INPP4B: variants seen among roughly 807,000 people sequenced by gnomAD.
INPP4B encodes the protein inositol polyphosphate 4-phosphatase type II.
In INPP4B, 55 loss-of-function variants were observed where a neutral mutation model predicts 122.5. That is an observed-to-expected ratio of 0.45 (90% confidence interval 0.36 to 0.56). The LOEUF is 0.56. INPP4B is among the 20% of genes least tolerant of loss of function. The pLI, the probability that INPP4B is intolerant of heterozygous loss-of-function variation, is 0.00. For missense variants in INPP4B, 1,000 were observed against 1,097.7 expected, an observed-to-expected ratio of 0.91 and a Z score of 1.26; for synonymous variants, 403 against 388.7, an observed-to-expected ratio of 1.04 and a Z score of -0.43.
chr4:142,425,277 G>T (rs1807797778), intron 5 of INPP4B: 2 of 152,044 alleles, frequency 1.3e-5, no homozygotes, highest in African/African-American at 4.8e-5. Context: ...AGGTAAGGGT[G>T]AAAGTGAGGG....
intron 7 of INPP4B, among the ~76,000 whole-genome samples, chr4:142,324,090 T>C (rs1771380584): frequency 1.3e-5 from 2 of 152,082 alleles, no homozygotes; most frequent in African/African-American, 4.8e-5. Context: ...GGTGTCATTG[T>C]AAGAAAAAGA....
At chr4:142,653,357 G>A (rs1753435543) in intron 2 of INPP4B, among the ~76,000 whole-genome samples, 1 of 152,120 alleles carries the variant, frequency 6.6e-6, no homozygotes, top group African/African-American at 2.4e-5. Flanking sequence ...GGCAACAAAA[G>A]CCAAAATTGA....
intron 2 of INPP4B, among the ~76,000 whole-genome samples, chr4:142,586,798 T>A (rs1395487374): frequency 6.6e-6 from 1 of 152,144 alleles, no homozygotes; most frequent in Non-Finnish European, 1.5e-5. Context: ...GGAAGACTTC[T>A]GAGGAGTGAT....
chr4:142,417,180 T>C (rs1805951944), intron 5 of INPP4B, among the ~76,000 whole-genome samples: 1 of 152,186 alleles, frequency 6.6e-6, no homozygotes. Context: ...TTCAGAGCCC[T>C]AGGCATACAG....
intron 2 of INPP4B, among the ~76,000 whole-genome samples, chr4:142,535,722 A>G (rs1257835544): frequency 1.3e-5 from 2 of 151,826 alleles, no homozygotes; most frequent in Non-Finnish European, 1.5e-5. Context: ...AATTAATAAT[A>G]TGTGTGTGCA....
In INPP4B at chr4:142,210,664, A is replaced by G. The variant is rs181883915; in HGVS notation, c.837-1638T>C. On this transcript the variant is annotated intron_variant, in intron 12 of 25. Coordinates refer to ENST00000262992, the MANE Select transcript of INPP4B (RefSeq NM_001101669.3). Reference sequence around the variant, plus strand: ...CTGAGATATACAGCAAGTATAATATATCAACTTAATATGCAAAGTTTCAGC... The same window carrying G: ...CTGAGATATACAGCAAGTATAATATGTCAACTTAATATGCAAAGTTTCAGC... 4.6e-5 allele frequency among the ~76,000 whole-genome samples: 7 copies of G among 152,376 alleles called. No homozygotes were observed. The East Asian group carries it at 9.6e-4, about 21-fold the overall frequency.
At chr4:142,306,229 G>GTTTTTTTTTT (rs5862582) in intron 8 of INPP4B, among the ~76,000 whole-genome samples, 2 of 135,904 alleles carry the variant, frequency 1.5e-5, no homozygotes, top group Non-Finnish European at 1.6e-5. Context: ...ACTCCAAATT[G>GTTTTTTTTTT]TTTTTTTTTT....
rs74597226 is a variant in INPP4B at position 142,267,053 on chromosome 4, T to G, written c.615+3610A>C. 6.9e-3 allele frequency among the ~76,000 whole-genome samples: 1,056 copies of G among 152,236 alleles called. 19 individuals carry two copies. Among genetic ancestry groups the G allele is most frequent in the African/African-American group, 0.024 (997 of 41,552 alleles). Reference sequence around the variant, plus strand: ...CTATAAAACATTAATGAAAAAAAGTTGTAGATAACACAGATAAATAGAAAA... The same window carrying G: ...CTATAAAACATTAATGAAAAAAAGTGGTAGATAACACAGATAAATAGAAAA... On this transcript the variant is annotated intron_variant, in intron 10 of 25. Coordinates refer to ENST00000262992, the MANE Select transcript of INPP4B (RefSeq NM_001101669.3).
At chr4:142,672,466 T>C (rs1042761345) in intron 2 of INPP4B, among the ~76,000 whole-genome samples, 2 of 152,158 alleles carry the variant, frequency 1.3e-5, no homozygotes, top group Non-Finnish European at 2.9e-5. Flanking sequence ...GTTGATTTAG[T>C]AGTATTCCCT....
intron 3 of INPP4B, among the ~76,000 whole-genome samples, chr4:142,446,949 G>T (rs1813033886): frequency 6.6e-6 from 1 of 152,144 alleles, no homozygotes; most frequent in African/African-American, 2.4e-5. Context: ...ATGTGATCAG[G>T]GAAGGGAACA....
intron 10 of INPP4B, among the ~76,000 whole-genome samples, chr4:142,268,554 TC>T (rs577743526): frequency 7.4e-4 from 113 of 152,000 alleles, no homozygotes; most frequent in African/African-American, 2.6e-3. Flanking sequence ...ATATCTGCAC[TC>T]ATGTTCACTG....
chr4:142,787,968 G>C (rs28753896), intron 1 of INPP4B, among the ~76,000 whole-genome samples: 9,211 of 151,822 alleles, frequency 0.061, 441 homozygotes, highest in African/African-American at 0.13. Flanking sequence ...ACAGAGAGTA[G>C]AGCAATTCAG....
chr4:142,769,251 G>C (rs1470078819), intron 1 of INPP4B, among the ~76,000 whole-genome samples: 1 of 152,076 alleles, frequency 6.6e-6, no homozygotes, highest in Non-Finnish European at 1.5e-5. Flanking sequence ...GGCTTTGAAG[G>C]GTCTACCTAG....
intron 2 of INPP4B, among the ~76,000 whole-genome samples, chr4:142,488,985 C>A (rs1023539866): frequency 6.6e-6 from 1 of 152,036 alleles, no homozygotes; most frequent in Non-Finnish European, 1.5e-5. Context: ...GTATTTTAAG[C>A]ATTTAAAAAT....
chr4:142,423,026 G>A (rs900161122), intron 5 of INPP4B, among the ~76,000 whole-genome samples: 2 of 151,946 alleles, frequency 1.3e-5, no homozygotes, highest in African/African-American at 4.8e-5. Flanking sequence ...ATTCCCTTCA[G>A]CTAGCATGCC....
intron 1 of INPP4B, among the ~76,000 whole-genome samples, chr4:142,787,255 G>A (rs920939406): frequency 3.9e-5 from 6 of 152,080 alleles, no homozygotes; most frequent in Admixed American, 2.0e-4. Context: ...CAATACAACC[G>A]TGCTGGGAGG....
At position 142,172,882 on chromosome 4, in the gene INPP4B, G is replaced by C. The variant is rs1156926982; in HGVS notation, c.1359+750C>G. The stretch of plus-strand genomic sequence containing the variant: ...AAAAATTACATGATCTCCTTAAAAT[G>C]CACAGGTGAAGGATGCACACATTGA... On this transcript the variant is annotated intron_variant, in intron 16 of 25. Coordinates refer to ENST00000262992, the MANE Select transcript of INPP4B (RefSeq NM_001101669.3). Among the ~76,000 whole-genome samples the C allele has an allele frequency of 2.6e-5, 4 of 152,012 alleles. No individual in the cohort carries two copies. The East Asian group carries it at 7.8e-4, about 30-fold the overall frequency.
rs78205825 is a variant in INPP4B at position 142,595,745 on chromosome 4, T to C, written c.-191+130094A>G. Among the ~76,000 whole-genome samples, 1,309 of 152,302 alleles carry C rather than the reference T, an allele frequency of 8.6e-3. 15 individuals carry two copies. The highest frequency in any genetic ancestry group is 0.028 in the African/African-American group (1,153 of 41,566). ...GAGGGAACAAATTTTGCTTTGCTCTTCACAGCAGGAGCTTTCCCTGCATTT... is the reference window on the plus strand; with the variant it reads ...GAGGGAACAAATTTTGCTTTGCTCTCCACAGCAGGAGCTTTCCCTGCATTT... On this transcript the variant is annotated intron_variant, in intron 2 of 25. Transcript: ENST00000262992.
intron 2 of INPP4B, among the ~76,000 whole-genome samples, chr4:142,571,678 A>AT (rs1732858773): frequency 6.6e-6 from 1 of 152,178 alleles, no homozygotes; most frequent in Non-Finnish European, 1.5e-5. Context: ...GTCCCAAAAA[A>AT]TGAAAAAGTA....
Sources: allele counts gnomAD v4.1 joint callset (sites outside exome capture counted in the v4.1 genomes callset), GRCh38; gene constraint gnomAD v4.1.1; transcripts MANE v1.5; gene names NCBI Gene and HGNC (gene_info 2026-07-23, HGNC 2026-07-21).